PER3: variants seen among roughly 807,000 people sequenced by gnomAD.
PER3 encodes period circadian protein homolog 3.
Under a neutral mutation model 127.2 loss-of-function variants are expected in PER3, and 107 were observed. That is an observed-to-expected ratio of 0.84 (90% CI 0.72 to 0.99). The LOEUF is 0.99. Among genes scored for constraint, PER3 ranks in the 50% least tolerant of loss-of-function variants. The probability of loss-of-function intolerance (pLI) is 0.00; values close to 1 mark genes in which losing one functional copy is unlikely to be tolerated. For missense variants in PER3, 1,560 were observed against 1,525.8 expected (o/e 1.02, Z -0.37); for synonymous variants, 618 against 585.8 (o/e 1.05, Z -0.79).
intron 16 of PER3, among the ~76,000 whole-genome samples, chr1:7,825,192 A>C (rs1021615545): frequency 2.0e-5 from 3 of 151,962 alleles, no homozygotes; most frequent in African/African-American, 7.3e-5. Flanking sequence ...ATGCTGCACC[A>C]CAGGGGCGAG....
At position 7,793,894 on chromosome 1, in the gene PER3, C is replaced by T. The variant is rs1384874084; in HGVS notation, c.593-63C>T. Reference sequence around the variant, plus strand: ...AGTTTGTTGTTTGATAATGGTGCAACATTGTTTCACTGAGAAAGACCTGGA... The same window carrying T: ...AGTTTGTTGTTTGATAATGGTGCAATATTGTTTCACTGAGAAAGACCTGGA... On this transcript the variant is annotated intron_variant, in intron 5 of 21. Coordinates refer to ENST00000377532, the MANE Select transcript of PER3 (RefSeq NM_001377275.1). The T allele has an allele frequency of 5.9e-6, 8 of 1,351,606 alleles. No homozygotes were observed. The African/African-American group carries it at 1.0e-4, about 17-fold the overall frequency. 83.7% of individuals were successfully genotyped at this position (1,351,606 alleles called of 1,614,324 possible). A position where few individuals can be genotyped will look rare whatever the true frequency, so the allele number is the denominator to read the frequency against.
chr1:7,830,420 C>G (rs532709830), intron 19 of PER3, among the ~76,000 whole-genome samples: 1 of 152,184 alleles, frequency 6.6e-6, no homozygotes, highest in Non-Finnish European at 1.5e-5. Context: ...ACATTTCTGT[C>G]ACCCCAAACA....
chr1:7,788,556 GT>G (rs139020070), intron 5 of PER3: 51,099 of 224,870 alleles, frequency 0.23, 6,482 homozygotes, highest in Non-Finnish European at 0.26. Flanking sequence ...AAAATTAAAT[GT>G]TTTTCCTCCT....
intron 7 of PER3, among the ~76,000 whole-genome samples, chr1:7,800,216 A>ATTTTTTTTTT (rs35599508): frequency 6.8e-6 from 1 of 146,328 alleles, no homozygotes. Flanking sequence ...CAATCACTTC[A>ATTTTTTTTTT]TTTTTTTTTT....
rs760373414 is a variant in PER3, at chr1:7,827,602, G to A, written c.2673G>A (p.Met891Ile). ...ATASSAISPS[M>I]SSAMSPTLDP... Reference sequence around the variant, plus strand: ...CCTCTTCTGCGATATCACCCTCAATGTCGTCAGCAATGAGTCCAACTCTGG... The same window carrying A: ...CCTCTTCTGCGATATCACCCTCAATATCGTCAGCAATGAGTCCAACTCTGG... Residue 891 changes from methionine (M) to isoleucine (I), a missense_variant, in exon 18 of 22, where the codon ATG (methionine) becomes ATA (isoleucine). By Grantham distance (10) the Met-to-Ile change is conservative. Coordinates refer to ENST00000377532, the MANE Select transcript of PER3 (RefSeq NM_001377275.1). 6.2e-7 allele frequency: 1 copy of A among 1,614,146 alleles called. No individual in the cohort carries two copies. The highest frequency in any genetic ancestry group is 8.5e-7 in the Non-Finnish European group (1 of 1,180,024).
intron 13 of PER3, among the ~76,000 whole-genome samples, chr1:7,816,804 C>A (rs1013501609): frequency 1.6e-4 from 24 of 152,212 alleles, no homozygotes; most frequent in African/African-American, 5.3e-4. Context: ...TGTAACTTAG[C>A]AATTCTATTC....
At chr1:7,786,874 ACTTTTC>A in intron 4 of PER3, 38 bp downstream of exon 4, 1 of 1,200,200 alleles carries the variant, frequency 8.3e-7, no homozygotes, top group Non-Finnish European at 1.2e-6. Context: ...AACCTGGGTG[ACTTTTC>A]CTAAGGGCCT....
chr1:7,834,873 A>T (rs1444901019), intron 19 of PER3, among the ~76,000 whole-genome samples: 1 of 152,208 alleles, frequency 6.6e-6, no homozygotes, highest in Admixed American at 6.5e-5. Flanking sequence ...CTTCAAAGTC[A>T]GTGAGAAGGT....
In PER3 at chr1:7,819,559, A is replaced by G. The variant is rs879182142; in HGVS notation, c.1658+139A>G. On this transcript the variant is annotated intron_variant, in intron 14 of 21. Coordinates refer to ENST00000377532, the MANE Select transcript of PER3 (RefSeq NM_001377275.1). ...ATCAGTAGACGTTTATGGCGTGCCT[A>G]ACACATACGCTGAACATTTCAGAAG... 2.5e-5 allele frequency: 18 copies of G among 729,394 alleles called. No individual in the cohort carries two copies. The South Asian group carries it at 2.9e-4, about 12-fold the overall frequency. The allele number at this position is 729,394 out of a possible 1,614,324, so 45.2% of individuals were successfully genotyped here. A position where few individuals can be genotyped will look rare whatever the true frequency, so the allele number is the denominator to read the frequency against.
At chr1:7,813,965 C>T (rs375436813) in intron 13 of PER3, among the ~76,000 whole-genome samples, 77 of 152,078 alleles carry the variant, frequency 5.1e-4, no homozygotes, top group Admixed American at 1.4e-3. Context: ...CATGCAGGAC[C>T]GGGTGGGTAA....
At chr1:7,805,977 T>C (rs1167958608) in intron 10 of PER3, among the ~76,000 whole-genome samples, 2 of 152,346 alleles carry the variant, frequency 1.3e-5, no homozygotes, top group East Asian at 1.9e-4. Context: ...TTAATCTTGC[T>C]CATAAAATAT....
At chr1:7,805,055 GAC>G (rs1173248550) in intron 10 of PER3, among the ~76,000 whole-genome samples, 1 of 151,800 alleles carries the variant, frequency 6.6e-6, no homozygotes, top group Non-Finnish European at 1.5e-5. Context: ...TTTTAATAGA[GAC>G]AGGTTTCACC....
rs538511201 is a variant in PER3, at chr1:7,819,922, G to A, written c.1659-193G>A. ...ATTGGACACCCATGGTATAAGATTT[G>A]AAGGTTAATTCAAGACCACAGTAAA... On this transcript the variant is annotated intron_variant, in intron 14 of 21. Transcript: ENST00000377532. Among the ~76,000 whole-genome samples the A allele has an allele frequency of 6.1e-4, 93 of 152,104 alleles. 1 individual carries two copies. Among genetic ancestry groups the A allele is most frequent in the Middle Eastern group, 3.4e-3 (1 of 294 alleles).
rs759913554 is a variant in PER3, at chr1:7,826,737, C to T, written c.2188+27C>T. 2.1e-5 allele frequency: 28 copies of T among 1,309,552 alleles called. No individual in the cohort carries two copies. Among genetic ancestry groups the T allele is most frequent in the Non-Finnish European group, 2.4e-5 (22 of 906,474 alleles). The allele number at this position is 1,309,552 out of a possible 1,614,324, so 81.1% of individuals were successfully genotyped here. ...TACGTAATTTTTTAAAAATAAATGC[C>T]ATTAATCTATGTAAATGTTACAAAC... On this transcript the variant is annotated intron_variant, in intron 17 of 21. Coordinates refer to ENST00000377532, the MANE Select transcript of PER3 (RefSeq NM_001377275.1). This position sits in a 1 kb window ranked among gnomAD's most constrained non-coding sequence, Gnocchi z 4.2.
chr1:7,792,144 A>G (rs1028251292), intron 5 of PER3, among the ~76,000 whole-genome samples: 1 of 152,244 alleles, frequency 6.6e-6, no homozygotes, highest in Non-Finnish European at 1.5e-5. Context: ...TCTAAAGGAA[A>G]GAGTTTTAAT....
intron 6 of PER3, among the ~76,000 whole-genome samples, chr1:7,797,008 TAA>T (rs1161783714): frequency 1.3e-5 from 2 of 151,974 alleles, no homozygotes; most frequent in Non-Finnish European, 2.9e-5. Flanking sequence ...TAGTTTTAGA[TAA>T]GTTAAGTTTG....
rs531468516 is a variant in PER3, at chr1:7,834,826, A to T, written c.3215-936A>T. ...ATTTACATACTTAGTTTTTTAAAAA[A>T]AATTAAACAAATAGTTTTGTTTTGT... is the stretch of plus-strand genomic sequence containing the variant. On this transcript the variant is annotated intron_variant, in intron 19 of 21. Coordinates refer to ENST00000377532, the MANE Select transcript of PER3 (RefSeq NM_001377275.1). Among the ~76,000 whole-genome samples, 7 of 150,744 alleles carry T rather than the reference A, an allele frequency of 4.6e-5. No individual in the cohort carries two copies. The South Asian group carries it at 1.5e-3, about 32-fold the overall frequency.
At chr1:7,793,918 G>A (rs1178494565) in intron 5 of PER3, 39 bp from the exon 6 acceptor site, 8 of 1,564,496 alleles carry the variant, frequency 5.1e-6, no homozygotes, top group Non-Finnish European at 6.2e-6. Flanking sequence ...GAAAGACCTG[G>A]ATAAGAGGGA....
At chr1:7,841,147 A>G (rs1486876386) in intron 21 of PER3, among the ~76,000 whole-genome samples, 1 of 152,252 alleles carries the variant, frequency 6.6e-6, no homozygotes, top group Admixed American at 6.5e-5. Context: ...TCACTAAAAA[A>G]AACTCAAAAT....
Sources: allele counts gnomAD v4.1 joint callset (sites outside exome capture counted in the v4.1 genomes callset), GRCh38; gene constraint gnomAD v4.1.1; non-coding constraint Gnocchi (gnomAD v3.1); transcripts MANE v1.5; gene names NCBI Gene and HGNC (gene_info 2026-07-23, HGNC 2026-07-21).